Variants in SOS2 observed in about 807,000 individuals in gnomAD.
The protein encoded by SOS2 is SOS Ras/Rho guanine nucleotide exchange factor 2, also known as son of sevenless homolog 2.
Under a neutral mutation model 148.2 loss-of-function variants are expected in SOS2, and 65 were observed. That is an observed-to-expected ratio of 0.44 (90% CI 0.36 to 0.54). The LOEUF (loss-of-function observed/expected upper bound fraction) is 0.54, where lower values mean the gene tolerates loss of function less well. Among genes scored for constraint, SOS2 ranks in the 20% least tolerant of loss-of-function variants. The pLI is 0.00. For missense variants in SOS2, 1,341 were observed against 1,590.2 expected (o/e 0.84, Z 2.67); for synonymous variants, 539 against 537.1 (o/e 1.00, Z -0.05).
rs532493729 is a variant in SOS2 at position 50,154,432 on chromosome 14, A to G, written c.2058-1259T>C. On this transcript the variant is annotated intron_variant, in intron 12 of 22. Transcript: ENST00000216373. ...TTTGGAAGTTTTGGCAGTTTCTTTCAAAACTAAACATACACATACCTTCTG... is the reference window on the plus strand; with the variant it reads ...TTTGGAAGTTTTGGCAGTTTCTTTCGAAACTAAACATACACATACCTTCTG... Among the ~76,000 whole-genome samples, 10 of 152,316 alleles carry G rather than the reference A, an allele frequency of 6.6e-5. 1 individual carries two copies. The highest frequency in any genetic ancestry group is 2.4e-4 in the African/African-American group (10 of 41,570).
intron 1 of SOS2, among the ~76,000 whole-genome samples, chr14:50,209,755 C>CAAAA (rs34379246): frequency 6.8e-6 from 1 of 146,672 alleles, no homozygotes. Flanking sequence ...GACCTTGTCT[C>CAAAA]AAAAAAAAAA....
chr14:50,227,115 G>T (rs540524664), intron 1 of SOS2, among the ~76,000 whole-genome samples: 28 of 152,194 alleles, frequency 1.8e-4, no homozygotes, highest in Admixed American at 8.5e-4. Context: ...GTTTTTAAAT[G>T]ATCTAGGTGA....
Position 50,150,225 on chromosome 14 carries a change from C to T in SOS2, c.2167G>A (p.Ala723Thr). ...ESFISSVRGK[A>T]MKKWVESIAK... Reference sequence around the variant, plus strand: ...ATTGACTCTACCCATTTTTTCATAGCTTTCCCTGGAAAAAGAACACATAAA... The same window carrying T: ...ATTGACTCTACCCATTTTTTCATAGTTTTCCCTGGAAAAAGAACACATAAA... The change falls in exon 14 of 23, where the codon GCT becomes ACT. Residue 723 changes from alanine to threonine, a missense_variant. Physicochemically the swap from Ala to Thr is moderately conservative, Grantham distance 58 (BLOSUM62 0). Transcript: ENST00000216373. 1.9e-6 allele frequency: 3 copies of T among 1,600,560 alleles called. No individual in the cohort carries two copies. Among genetic ancestry groups the T allele is most frequent in the Non-Finnish European group, 1.7e-6 (2 of 1,168,086 alleles).
chr14:50,172,035 A>T (rs962958531), intron 8 of SOS2, among the ~76,000 whole-genome samples: 2 of 152,212 alleles, frequency 1.3e-5, no homozygotes. Context: ...TTTAAAAGGT[A>T]ATGCCAAGCA....
intron 21 of SOS2, among the ~76,000 whole-genome samples, chr14:50,121,644 C>T (rs1187862337): frequency 6.6e-6 from 1 of 150,876 alleles, no homozygotes; most frequent in Non-Finnish European, 1.5e-5. Context: ...ACACTCTGAA[C>T]TGAACTGCTT....
chr14:50,146,946 G>C (rs550058460), intron 14 of SOS2, among the ~76,000 whole-genome samples: 7 of 152,180 alleles, frequency 4.6e-5, no homozygotes, highest in South Asian at 2.1e-4. Flanking sequence ...TATAATCCCA[G>C]CTACTTGGGA....
Position 50,138,787 on chromosome 14 carries a change from AG to A in SOS2, c.2786-4del, listed in dbSNP as rs1884168338. The A allele has an allele frequency of 1.4e-5, 11 of 764,024 alleles. No individual in the cohort carries two copies. The highest frequency in any genetic ancestry group is 3.7e-4 in the Middle Eastern group (1 of 2,672). The allele number at this position is 764,024 out of a possible 1,614,324, so 47.3% of individuals were successfully genotyped here. A position where few individuals can be genotyped will look rare whatever the true frequency, so the allele number is the denominator to read the frequency against. On this transcript the variant is annotated splice_polypyrimidine_tract_variant and splice_region_variant and intron_variant, in intron 17 of 22. Coordinates refer to ENST00000216373, the MANE Select transcript of SOS2 (RefSeq NM_006939.4). ...CAGAATATTTGTTAAATATATTCCT[AG>A]TAAAAAAAAAAAAAGAATTTAAAGA...
At chr14:50,131,972 A>AT (rs1341438142) in intron 19 of SOS2, among the ~76,000 whole-genome samples, 2 of 152,196 alleles carry the variant, frequency 1.3e-5, no homozygotes, top group African/African-American at 4.8e-5. Context: ...TGACTGAAAA[A>AT]TTAAAGTTGA....
intron 7 of SOS2, among the ~76,000 whole-genome samples, chr14:50,175,597 T>G (rs1885498305): frequency 6.6e-6 from 1 of 152,096 alleles, no homozygotes; most frequent in Non-Finnish European, 1.5e-5. Context: ...CAGATTCCCT[T>G]AAAGCTCTCT....
At chr14:50,173,954 G>A (rs1293581534) in intron 8 of SOS2, among the ~76,000 whole-genome samples, 1 of 151,960 alleles carries the variant, frequency 6.6e-6, no homozygotes, top group Non-Finnish European at 1.5e-5. Context: ...ATGCTGGTTT[G>A]ACCATATAAT....
In SOS2 at chr14:50,216,650, G is replaced by A. The variant is rs546287698; in HGVS notation, c.88-12241C>T. 1.8e-4 allele frequency among the ~76,000 whole-genome samples: 27 copies of A among 152,030 alleles called. No homozygotes were observed. The South Asian group carries it at 5.4e-3, about 30-fold the overall frequency. ...CTCTGGAGGCTGAGGCAGGAGAATC[G>A]CTGGAACCCGGGAGGCAGAGGTTGC... On this transcript the variant is annotated intron_variant, in intron 1 of 22. Coordinates refer to ENST00000216373, the MANE Select transcript of SOS2 (RefSeq NM_006939.4).
At position 50,189,568 on chromosome 14, in the gene SOS2, A is replaced by G. The variant is rs186029236; in HGVS notation, c.511-868T>C. ...CATGGTAGTTCCTTGCCATATTATA[A>G]GGATGACAGTACATATTTGAGTAGG... On this transcript the variant is annotated intron_variant, in intron 4 of 22. Transcript: ENST00000216373. Among the ~76,000 whole-genome samples the G allele has an allele frequency of 3.3e-3, 497 of 152,264 alleles. 12 individuals carry two copies. Among genetic ancestry groups the G allele is most frequent in the Non-Finnish European group, 4.6e-4 (31 of 68,008 alleles).
intron 8 of SOS2, among the ~76,000 whole-genome samples, chr14:50,174,126 T>C (rs1885451134): frequency 6.6e-6 from 1 of 152,136 alleles, no homozygotes; most frequent in African/African-American, 2.4e-5. Context: ...TCTTAGCCAA[T>C]GTGACCAGGA....
In SOS2 at chr14:50,161,680, A is replaced by G. The variant is rs557936727; in HGVS notation, c.1069-71T>C. ...TTCCCCCAACTTTCTAGTAATAGAAAAAGCAGCAACAAATATTATCAACTC... is the reference window on the plus strand; with the variant it reads ...TTCCCCCAACTTTCTAGTAATAGAAGAAGCAGCAACAAATATTATCAACTC... On this transcript the variant is annotated intron_variant, in intron 8 of 22. Transcript: ENST00000216373. 4 of 1,420,120 alleles carry G rather than the reference A, an allele frequency of 2.8e-6. No individual in the cohort carries two copies. In the African/African-American group the frequency reaches 5.7e-5, roughly 20 times the overall value. 88.0% of individuals were successfully genotyped at this position (1,420,120 alleles called of 1,614,324 possible).
intron 1 of SOS2, among the ~76,000 whole-genome samples, chr14:50,225,147 G>T (rs1228442615): frequency 6.6e-6 from 1 of 152,084 alleles, no homozygotes; most frequent in Non-Finnish European, 1.5e-5. Context: ...TGGACATGGG[G>T]TCTCGCTATG....
intron 1 of SOS2, among the ~76,000 whole-genome samples, chr14:50,224,897 A>AAAAAAAG (rs1477987016): frequency 5.3e-5 from 8 of 150,776 alleles, no homozygotes; most frequent in African/African-American, 1.7e-4. Context: ...AAAAAAAAAA[A>AAAAAAAG]AGAGAGAGAG....
At chr14:50,203,605 TATAC>T (rs1013334101) in intron 2 of SOS2, among the ~76,000 whole-genome samples, 5 of 151,678 alleles carry the variant, frequency 3.3e-5, no homozygotes, top group East Asian at 3.9e-4. Context: ...TATATATATA[TATAC>T]ACACACACAT....
intron 8 of SOS2, among the ~76,000 whole-genome samples, chr14:50,172,419 CT>C (rs768766517): frequency 4.8e-5 from 4 of 82,764 alleles, no homozygotes; most frequent in Non-Finnish European, 6.7e-5. Context: ...TTATTCATTC[CT>C]TTTTTTTTTT....
intron 19 of SOS2, among the ~76,000 whole-genome samples, chr14:50,131,927 C>T (rs904776692): frequency 3.3e-5 from 5 of 152,080 alleles, no homozygotes; most frequent in African/African-American, 1.2e-4. Flanking sequence ...TAGCCAACAC[C>T]ACAGATATCT....
Sources: allele counts gnomAD v4.1 joint callset (sites outside exome capture counted in the v4.1 genomes callset), GRCh38; gene constraint gnomAD v4.1.1; transcripts MANE v1.5; gene names NCBI Gene and HGNC (gene_info 2026-07-23, HGNC 2026-07-21).